AKAP13: variants seen among roughly 807,000 people sequenced by gnomAD.
The protein encoded by AKAP13 is A-kinase anchor protein 13.
AKAP13 carries 80 observed loss-of-function variants against 264.5 expected under a neutral mutation model. That is an observed-to-expected ratio of 0.30 (90% CI 0.25 to 0.36). The LOEUF (loss-of-function observed/expected upper bound fraction) is 0.36. AKAP13 is among the 10% of genes least tolerant of loss of function. The pLI is 1.00. For synonymous variants in AKAP13, 1,380 were observed against 1,250.2 expected (o/e 1.10, Z -2.19); for missense variants, 3,712 against 3,435.2 (o/e 1.08, Z -2.01).
chr15:85,715,231 A>G (rs928303441), intron 19 of AKAP13, among the ~76,000 whole-genome samples: 2 of 152,124 alleles, frequency 1.3e-5, no homozygotes, highest in Non-Finnish European at 2.9e-5. Flanking sequence ...TTGGAGATAG[A>G]TCTATCTGTG....
At chr15:85,434,024 C>T (rs1269605924) in intron 1 of AKAP13, among the ~76,000 whole-genome samples, 1 of 151,926 alleles carries the variant, frequency 6.6e-6, no homozygotes, top group Non-Finnish European at 1.5e-5. Context: ...GCGTGAGCGA[C>T]GCAGAAGACG....
At chr15:85,440,743 G>A (rs752680247) in intron 1 of AKAP13, among the ~76,000 whole-genome samples, 10 of 152,174 alleles carry the variant, frequency 6.6e-5, no homozygotes, top group Non-Finnish European at 1.0e-4. Context: ...GAGCCATCCA[G>A]TTACTCTTGT....
chr15:85,672,878 GC>G (rs1239299098), intron 14 of AKAP13, among the ~76,000 whole-genome samples: 1 of 152,234 alleles, frequency 6.6e-6, no homozygotes, highest in Non-Finnish European at 1.5e-5. Flanking sequence ...CAGAGCTTAA[GC>G]AAGGTTAAAC....
At chr15:85,554,330 T>C (rs1450915921) in intron 5 of AKAP13, among the ~76,000 whole-genome samples, 1 of 152,188 alleles carries the variant, frequency 6.6e-6, no homozygotes, top group Non-Finnish European at 1.5e-5. Flanking sequence ...AGATATCTCT[T>C]TATTTGGAGA....
At chr15:85,603,426 A>G (rs2080180647) in intron 8 of AKAP13, among the ~76,000 whole-genome samples, 2 of 152,270 alleles carry the variant, frequency 1.3e-5, no homozygotes, top group African/African-American at 4.8e-5. Context: ...TACCATTACT[A>G]TGAAAATAGT....
chr15:85,415,566 G>C, intron 1 of AKAP13: 1 of 1,435,868 alleles, frequency 7.0e-7, no homozygotes, highest in South Asian at 1.1e-5. Flanking sequence ...ATTGAAAGAT[G>C]GGAAATTAGT....
rs1323876333 is a variant in AKAP13, at chr15:85,745,389, C to T, written c.*712C>T. Reference sequence around the variant, plus strand: ...ATAAAAGACGTGATGTGCACCACCTCGATCTCGGTGTTTCAGGCACTAAAG... The same window carrying T: ...ATAAAAGACGTGATGTGCACCACCTTGATCTCGGTGTTTCAGGCACTAAAG... On this transcript the variant is annotated 3_prime_UTR_variant, in exon 37 of 37. Transcript: ENST00000394518. 1.3e-5 allele frequency: 2 copies of T among 152,124 alleles called. No homozygotes were observed. The highest frequency in any genetic ancestry group is 4.8e-5 in the African/African-American group (2 of 41,420). 9.4% of individuals were successfully genotyped at this position (152,124 alleles called of 1,614,324 possible). A position where few individuals can be genotyped will look rare whatever the true frequency, so the allele number is the denominator to read the frequency against.
At chr15:85,739,387 ATATGT>A (rs1278841441) in intron 33 of AKAP13, among the ~76,000 whole-genome samples, 1 of 152,080 alleles carries the variant, frequency 6.6e-6, no homozygotes, top group Non-Finnish European at 1.5e-5. Context: ...GTAATTTTTA[ATATGT>A]TATGCTATTG....
chr15:85,601,573 G>A (rs886613628), intron 8 of AKAP13, among the ~76,000 whole-genome samples: 5 of 145,384 alleles, frequency 3.4e-5, no homozygotes, highest in African/African-American at 1.3e-4. Flanking sequence ...CCAATTTAGG[G>A]AACTCATACT....
At chr15:85,671,109 T>G (rs937179764) in intron 14 of AKAP13, among the ~76,000 whole-genome samples, 2 of 152,070 alleles carry the variant, frequency 1.3e-5, no homozygotes, top group African/African-American at 4.8e-5. Context: ...GCAAAGGAAA[T>G]AAACACACTC....
chr15:85,664,324 A>C (rs1188237658), intron 12 of AKAP13, among the ~76,000 whole-genome samples: 3 of 152,348 alleles, frequency 2.0e-5, no homozygotes, highest in African/African-American at 7.2e-5. Context: ...TAGGTGGTTC[A>C]ACATTTGGAT....
intron 33 of AKAP13, among the ~76,000 whole-genome samples, chr15:85,739,874 C>T (rs934272769): frequency 2.0e-5 from 3 of 152,074 alleles, no homozygotes; most frequent in Middle Eastern, 3.2e-3. Context: ...ATTTGAAATG[C>T]TATTTACATG....
At chr15:85,560,630 A>G (rs1252657671) in intron 5 of AKAP13, among the ~76,000 whole-genome samples, 2 of 151,266 alleles carry the variant, frequency 1.3e-5, no homozygotes, top group South Asian at 2.1e-4. Context: ...ATCTATTTCT[A>G]TGGTCTTTAT....
At chr15:85,705,005 T>G (rs1220100361) in intron 17 of AKAP13, among the ~76,000 whole-genome samples, 4 of 152,208 alleles carry the variant, frequency 2.6e-5, no homozygotes, top group Non-Finnish European at 5.9e-5. Flanking sequence ...GAGATGTCCA[T>G]GCAAACTATC....
At chr15:85,719,384 G>A in intron 23 of AKAP13, 58 bp downstream of exon 23, 2 of 1,590,076 alleles carry the variant, frequency 1.3e-6, no homozygotes, top group African/African-American at 1.3e-5. Flanking sequence ...GAAGTCATGG[G>A]GTTCCACAGC....
chr15:85,466,465 T>TC (rs1415607745), intron 1 of AKAP13, among the ~76,000 whole-genome samples: 1 of 152,214 alleles, frequency 6.6e-6, no homozygotes, highest in African/African-American at 2.4e-5. Flanking sequence ...TAGGTTTTCT[T>TC]CTAGGGTTTT....
rs186417249 is a variant in AKAP13 at position 85,595,085 on chromosome 15, G to A, written c.4161+9262G>A. Among the ~76,000 whole-genome samples the A allele has an allele frequency of 8.8e-4, 134 of 152,112 alleles. 1 individual carries two copies. Among genetic ancestry groups the A allele is most frequent in the African/African-American group, 3.2e-3 (132 of 41,512 alleles). The stretch of plus-strand genomic sequence containing the variant: ...TGGACAAATTATTGCATCAAATTTG[G>A]AGGGTTTTTTTTGTTTTTGTTTTTG... On this transcript the variant is annotated intron_variant, in intron 8 of 36. Coordinates refer to ENST00000394518, the MANE Select transcript of AKAP13 (RefSeq NM_007200.5).
intron 8 of AKAP13, among the ~76,000 whole-genome samples, chr15:85,612,840 AAAAG>A: frequency 2.0e-5 from 3 of 151,986 alleles, no homozygotes; most frequent in East Asian, 1.9e-4. Context: ...AAAAAAGAAA[AAAAG>A]AAAGAAAAAG....
chr15:85,394,750 G>A (rs144927289), intron 1 of AKAP13, among the ~76,000 whole-genome samples: 326 of 152,258 alleles, frequency 2.1e-3, no homozygotes, highest in Non-Finnish European at 3.7e-3. Flanking sequence ...GTAGGTTACT[G>A]CTCTTTTGCC....
Sources: allele counts gnomAD v4.1 joint callset (sites outside exome capture counted in the v4.1 genomes callset), GRCh38; gene constraint gnomAD v4.1.1; transcripts MANE v1.5; gene names NCBI Gene and HGNC (gene_info 2026-07-23, HGNC 2026-07-21).